LINGO2: variants seen among roughly 807,000 people sequenced by gnomAD.
The protein encoded by LINGO2 is leucine rich repeat and Ig domain containing 2, also known as leucine-rich repeat and immunoglobulin-like domain-containing nogo receptor-interacting protein 2.
LINGO2 carries 14 observed loss-of-function variants against 30.6 expected under a neutral mutation model. The observed-to-expected ratio is 0.46, with a 90% CI of 0.30 to 0.72. The LOEUF is 0.72. LINGO2 is among the 30% of genes least tolerant of loss of function. The pLI, the probability that LINGO2 is intolerant of heterozygous loss-of-function variation, is 0.07. For synonymous variants in LINGO2, 317 were observed against 288.5 expected, an observed-to-expected ratio of 1.10 and a Z score of -1.00; for missense variants, 729 against 751.7, an observed-to-expected ratio of 0.97 and a Z score of 0.35.
the LINGO2 span, among the ~76,000 whole-genome samples, chr9:28,983,875 G>C: frequency 1.6e-4 from 24 of 152,052 alleles, no homozygotes; most frequent in East Asian, 4.1e-3. Flanking sequence ...TGATTAAAAA[G>C]ATAGCACCAT....
the LINGO2 span, among the ~76,000 whole-genome samples, chr9:28,744,642 T>TGTGTGTG: frequency 1.0e-5 from 1 of 97,950 alleles, no homozygotes; most frequent in Non-Finnish European, 2.2e-5. Context: ...GTGTGTGTAT[T>TGTGTGTG]TTTTTTTTTT....
rs78415295 is a variant in LINGO2, at chr9:28,532,863, C to T, written c.-364-56838G>A. The stretch of plus-strand genomic sequence containing the variant: ...CTTTTCTATTATACATTTCTAATTA[C>T]GTTTACTGCCTCTTATAGACCGAAT... On this transcript the variant is annotated intron_variant, in intron 1 of 5. Coordinates refer to ENST00000379992, the Ensembl canonical transcript of LINGO2. Among the ~76,000 whole-genome samples, 1,403 of 152,140 alleles carry T rather than the reference C, an allele frequency of 9.2e-3. 34 individuals carry two copies. Among genetic ancestry groups the T allele is most frequent in the East Asian group, 0.086 (444 of 5,136 alleles).
chr9:28,037,027 ATC>A (rs1391621577), intron 4 of LINGO2, among the ~76,000 whole-genome samples: 2 of 152,214 alleles, frequency 1.3e-5, no homozygotes, highest in Admixed American at 1.3e-4. Flanking sequence ...ATCTTGATGT[ATC>A]TGTGTATTAT....
At chr9:29,012,967 T>TGGA in the LINGO2 span, among the ~76,000 whole-genome samples, 1 of 152,168 alleles carries the variant, frequency 6.6e-6, no homozygotes, top group Admixed American at 6.6e-5. Context: ...ATCCATCTAG[T>TGGA]TCATCTTCTT....
chr9:28,959,406 A>G, the LINGO2 span, among the ~76,000 whole-genome samples: 1 of 152,052 alleles, frequency 6.6e-6, no homozygotes, highest in Non-Finnish European at 1.5e-5. Flanking sequence ...AATAACCCAA[A>G]TAATAAAGGT....
At chr9:28,995,807 G>A in the LINGO2 span, among the ~76,000 whole-genome samples, 1 of 152,104 alleles carries the variant, frequency 6.6e-6, no homozygotes, top group East Asian at 1.9e-4. Context: ...ACTCATAGGT[G>A]GGAATTGAAC....
Position 28,173,708 on chromosome 9 carries a change from T to A in LINGO2, c.-87+121500A>T, listed in dbSNP as rs147723296. 6.1e-3 allele frequency among the ~76,000 whole-genome samples: 932 copies of A among 152,360 alleles called. 11 individuals are homozygous for A. Among genetic ancestry groups the A allele is most frequent in the African/African-American group, 0.021 (864 of 41,580 alleles). On this transcript the variant is annotated intron_variant, in intron 4 of 5. Transcript: ENST00000379992. ...AGAATGGAACGGTTATAAGAATGTT[T>A]GTTTCACTGTGTGTATAATTAGTGA...
At chr9:28,268,501 T>C (rs542541962) in intron 4 of LINGO2, among the ~76,000 whole-genome samples, 43 of 152,138 alleles carry the variant, frequency 2.8e-4, no homozygotes, top group African/African-American at 1.0e-3. Context: ...AGAAAGTCAA[T>C]TGGTAGGAAA....
chr9:28,304,684 T>A (rs1824276716), intron 3 of LINGO2, among the ~76,000 whole-genome samples: 2 of 152,072 alleles, frequency 1.3e-5, no homozygotes, highest in Admixed American at 6.6e-5. Context: ...TGTTTTCATT[T>A]CTCTTGGAAG....
intron 4 of LINGO2, among the ~76,000 whole-genome samples, chr9:28,042,697 T>TA (rs1369474932): frequency 6.6e-6 from 1 of 152,230 alleles, no homozygotes; most frequent in Admixed American, 6.5e-5. Context: ...ACTCCCACTA[T>TA]AATCAAGATA....
At chr9:27,988,866 C>G (rs551674655) in intron 5 of LINGO2, among the ~76,000 whole-genome samples, 21 of 151,908 alleles carry the variant, frequency 1.4e-4, no homozygotes, top group African/African-American at 5.1e-4. Flanking sequence ...CCACCCTCAT[C>G]CAATTAATCA....
At chr9:29,171,970 T>A in the LINGO2 span, among the ~76,000 whole-genome samples, 3 of 151,894 alleles carry the variant, frequency 2.0e-5, no homozygotes, top group Non-Finnish European at 4.4e-5. Flanking sequence ...GCAAGCTCAT[T>A]TTCCTTTCAA....
the LINGO2 span, among the ~76,000 whole-genome samples, chr9:28,801,037 G>A: frequency 0.014 from 2,154 of 152,166 alleles, 39 homozygotes; most frequent in African/African-American, 0.048. Flanking sequence ...GAAACAGGCA[G>A]TAAATTTGAA....
the LINGO2 span, among the ~76,000 whole-genome samples, chr9:29,082,922 G>T: frequency 6.6e-6 from 1 of 152,210 alleles, no homozygotes; most frequent in East Asian, 1.9e-4. Context: ...TCATTAAAAA[G>T]TCAGGAAACA....
At chr9:28,253,789 T>C (rs1346762968) in intron 4 of LINGO2, among the ~76,000 whole-genome samples, 1 of 152,010 alleles carries the variant, frequency 6.6e-6, no homozygotes, top group Non-Finnish European at 1.5e-5. Context: ...CACAATAGTC[T>C]AGCCTCATAA....
chr9:28,356,504 A>G (rs138553894), intron 3 of LINGO2, among the ~76,000 whole-genome samples: 23 of 152,278 alleles, frequency 1.5e-4, no homozygotes, highest in South Asian at 1.0e-3. Flanking sequence ...CTCCAGGTCA[A>G]TCTGTTTAAT....
chr9:28,139,708 T>A (rs1827620932), intron 4 of LINGO2, among the ~76,000 whole-genome samples: 1 of 152,142 alleles, frequency 6.6e-6, no homozygotes, highest in Non-Finnish European at 1.5e-5. Flanking sequence ...CGTTGAGATG[T>A]TCATATGGAA....
At chr9:28,847,916 T>C in the LINGO2 span, among the ~76,000 whole-genome samples, 1 of 119,780 alleles carries the variant, frequency 8.3e-6, no homozygotes, top group African/African-American at 3.4e-5. Context: ...TATACACACA[T>C]ATGTGTGTAT....
At chr9:28,276,393 G>T (rs1823116067) in intron 4 of LINGO2, among the ~76,000 whole-genome samples, 1 of 151,958 alleles carries the variant, frequency 6.6e-6, no homozygotes, top group African/African-American at 2.4e-5. Context: ...TCTAAATCTA[G>T]TTAAGAAACT....
Sources: allele counts gnomAD v4.1 joint callset (sites outside exome capture counted in the v4.1 genomes callset), GRCh38; gene constraint gnomAD v4.1.1; transcripts MANE v1.5; gene names NCBI Gene and HGNC (gene_info 2026-07-23, HGNC 2026-07-21).